ANKRD27: variants seen among roughly 807,000 people sequenced by gnomAD.
The protein encoded by ANKRD27 is ankyrin repeat domain 27.
Under a neutral mutation model 129.7 loss-of-function variants are expected in ANKRD27, and 112 were observed. That is an observed-to-expected ratio of 0.86 (90% CI 0.74 to 1.01). The LOEUF (loss-of-function observed/expected upper bound fraction) is 1.01, where lower values mean the gene tolerates loss of function less well. ANKRD27 is among the 50% of genes least tolerant of loss of function. The pLI, the probability that ANKRD27 is intolerant of heterozygous loss-of-function variation, is 0.00. For synonymous variants in ANKRD27, 516 were observed against 511.2 expected (o/e 1.01, Z -0.13); for missense variants, 1,258 against 1,300.5 (o/e 0.97, Z 0.50).
intron 18 of ANKRD27, 45 bp downstream of exon 18, chr19:32,622,377 T>G (rs1972023587): frequency 6.3e-7 from 1 of 1,599,072 alleles, no homozygotes; most frequent in Admixed American, 1.7e-5. Flanking sequence ...CGGACATCGA[T>G]CTTCTTTCGA....
chr19:32,618,352 C>T (rs1337219088), intron 20 of ANKRD27, among the ~76,000 whole-genome samples: 1 of 147,684 alleles, frequency 6.8e-6, no homozygotes, highest in Non-Finnish European at 1.5e-5. Flanking sequence ...GTAATCCCAG[C>T]ACTTTGGAGG....
At chr19:32,640,454 C>T in intron 10 of ANKRD27, 69 bp from the exon 11 acceptor site, 1 of 1,314,648 alleles carries the variant, frequency 7.6e-7, no homozygotes, top group Non-Finnish European at 1.1e-6. Context: ...TATCAACTCC[C>T]TACCACCGCA....
At chr19:32,639,516 T>A in intron 11 of ANKRD27, 28 bp from the exon 12 acceptor site, 1 of 1,608,122 alleles carries the variant, frequency 6.2e-7, no homozygotes, top group Admixed American at 1.7e-5. Context: ...AAAGTTATGT[T>A]GTTGTCTATC....
chr19:32,663,749 A>G (rs1967689768), intron 1 of ANKRD27, among the ~76,000 whole-genome samples: 1 of 152,046 alleles, frequency 6.6e-6, no homozygotes, highest in Non-Finnish European at 1.5e-5. Context: ...TAAATTTTCT[A>G]GTAGCACATT....
At chr19:32,634,294 T>C (rs894241761) in intron 12 of ANKRD27, among the ~76,000 whole-genome samples, 20 of 152,090 alleles carry the variant, frequency 1.3e-4, no homozygotes, top group African/African-American at 4.8e-4. Flanking sequence ...ACAGAGGCCA[T>C]GATACAGACA....
intron 12 of ANKRD27, among the ~76,000 whole-genome samples, chr19:32,635,466 T>A (rs1967071973): frequency 6.6e-6 from 1 of 152,094 alleles, no homozygotes; most frequent in South Asian, 2.1e-4. Context: ...ACGCATTCTT[T>A]TTTATTTATT....
At chr19:32,642,361 A>C (rs1384832561) in intron 9 of ANKRD27, among the ~76,000 whole-genome samples, 1 of 146,344 alleles carries the variant, frequency 6.8e-6, no homozygotes, top group Non-Finnish European at 1.5e-5. Context: ...GTTGTACAAG[A>C]AAAGCTGAAA....
intron 16 of ANKRD27, 117 bp downstream of exon 16, chr19:32,626,595 G>A (rs1008051969): frequency 4.7e-6 from 3 of 638,204 alleles, no homozygotes; most frequent in Non-Finnish European, 7.3e-6. Flanking sequence ...TGGAACGAGG[G>A]GGGCACAGCA....
chr19:32,646,912 G>A (rs921773453), intron 3 of ANKRD27, among the ~76,000 whole-genome samples: 3 of 152,094 alleles, frequency 2.0e-5, no homozygotes, highest in East Asian at 1.9e-4. Flanking sequence ...TGCAACCTCC[G>A]CCTCCCAGGG....
At chr19:32,604,576 A>G (rs1971702837) in intron 24 of ANKRD27, 152 bp from the exon 25 acceptor site, 5 of 788,006 alleles carry the variant, frequency 6.3e-6, no homozygotes, top group Non-Finnish European at 9.5e-6. Flanking sequence ...AATACTGAGA[A>G]AAAAAGATTT....
At chr19:32,620,885 CAAAAAAAAAA>C (rs746859989) in intron 18 of ANKRD27, among the ~76,000 whole-genome samples, 53 of 75,310 alleles carry the variant, frequency 7.0e-4, no homozygotes, top group East Asian at 2.8e-3. Flanking sequence ...AACCTTGTCT[CAAAAAAAAAA>C]AAAAAAAAAA....
At chr19:32,608,969 C>T (rs1054501672) in intron 22 of ANKRD27, among the ~76,000 whole-genome samples, 12 of 152,228 alleles carry the variant, frequency 7.9e-5, no homozygotes, top group Admixed American at 2.0e-4. Context: ...CCGGTTCAAG[C>T]GAATTCTCCT....
chr19:32,634,933 G>C (rs1038845897), intron 12 of ANKRD27, among the ~76,000 whole-genome samples: 1 of 152,012 alleles, frequency 6.6e-6, no homozygotes, highest in Non-Finnish European at 1.5e-5. Context: ...AGAAAGACTG[G>C]ACTCAAACCC....
chr19:32,664,662 A>AATAATAAT (rs1568421147), intron 1 of ANKRD27, among the ~76,000 whole-genome samples: 1 of 96,984 alleles, frequency 1.0e-5, no homozygotes, highest in Admixed American at 9.9e-5. Context: ...ATAATAATAA[A>AATAATAAT]AAGTTCTTCA....
intron 10 of ANKRD27, among the ~76,000 whole-genome samples, chr19:32,640,633 A>G (rs11084667): frequency 0.7 from 105,880 of 152,086 alleles, 37,349 homozygotes; most frequent in African/African-American, 0.81. Flanking sequence ...CAGATACGGC[A>G]GCACGTGCCT....
At chr19:32,628,905 A>G in intron 13 of ANKRD27, 56 bp from the exon 14 acceptor site, 1 of 1,598,116 alleles carries the variant, frequency 6.3e-7, no homozygotes, top group African/African-American at 1.3e-5. Context: ...AATTATTAGG[A>G]GTAAATTTTT....
At chr19:32,645,607 T>C (rs1440826484) in intron 4 of ANKRD27, among the ~76,000 whole-genome samples, 1 of 151,492 alleles carries the variant, frequency 6.6e-6, no homozygotes, top group Non-Finnish European at 1.5e-5. Flanking sequence ...CCCGGCTAAT[T>C]ATTTTATTTT....
intron 1 of ANKRD27, among the ~76,000 whole-genome samples, chr19:32,660,933 G>C (rs1967631991): frequency 6.7e-6 from 1 of 148,604 alleles, no homozygotes; most frequent in Non-Finnish European, 1.5e-5. Context: ...CATCTCCCAG[G>C]CTGGCTGTAA....
chr19:32,605,452 T>G (rs949882352), intron 24 of ANKRD27, among the ~76,000 whole-genome samples: 1 of 152,210 alleles, frequency 6.6e-6, no homozygotes, highest in Admixed American at 6.5e-5. Flanking sequence ...AGCACAGTCA[T>G]GGACAGGTTG....
Sources: gnomAD v4.1 joint callset for allele counts (sites outside exome capture counted in the v4.1 genomes callset) on GRCh38, gnomAD v4.1.1 for gene constraint, MANE v1.5 for transcripts, NCBI Gene and HGNC (gene_info 2026-07-23, HGNC 2026-07-21) for gene names.